The following MYO1E variants were observed in gnomAD, a reference collection of about 807,000 sequenced individuals.
MYO1E encodes the protein unconventional myosin-Ie.
Under a neutral mutation model 151.1 loss-of-function variants are expected in MYO1E, and 68 were observed. The observed-to-expected ratio is 0.45, with a 90% CI of 0.37 to 0.55. MYO1E has a LOEUF of 0.55. MYO1E is among the 20% of genes least tolerant of loss of function. The pLI is 0.00. For synonymous variants in MYO1E, 601 were observed against 501.7 expected, an observed-to-expected ratio of 1.20 and a Z score of -2.64; for missense variants, 1,363 against 1,389.3, an observed-to-expected ratio of 0.98 and a Z score of 0.30.
chr15:59,138,727 C>T (rs1018103557), intron 26 of MYO1E, among the ~76,000 whole-genome samples: 14 of 152,106 alleles, frequency 9.2e-5, no homozygotes, highest in African/African-American at 3.4e-4. Context: ...CGAAATGGAA[C>T]TTTTGCAGGT....
chr15:59,136,483 G>GT lies in MYO1E; in HGVS notation c.*896dup. On this transcript the variant is annotated 3_prime_UTR_variant, in exon 28 of 28. Coordinates refer to ENST00000288235, the MANE Select transcript of MYO1E (RefSeq NM_004998.4). ...ACCTAGAAAGCAGTGACACTCCGTA[G>GT]TTGGAAAAAAGCAGAGCACATCTTT... 1 of 296,904 alleles carries GT rather than the reference G, an allele frequency of 3.4e-6. No homozygotes were observed. 18.4% of individuals were successfully genotyped at this position (296,904 alleles called of 1,614,324 possible).
At chr15:59,156,132 G>A (rs1333731542) in intron 25 of MYO1E, among the ~76,000 whole-genome samples, 1 of 152,146 alleles carries the variant, frequency 6.6e-6, no homozygotes, top group Non-Finnish European at 1.5e-5. Context: ...GAGTAGCTGG[G>A]ATTCCAGGCA....
chr15:59,225,497 C>T (rs527785722), intron 7 of MYO1E, among the ~76,000 whole-genome samples: 81 of 152,280 alleles, frequency 5.3e-4, no homozygotes, highest in African/African-American at 1.9e-3. Context: ...GGCTTTCCTC[C>T]TTATCCTTCA....
chr15:59,259,652 C>G (rs2080214122), intron 3 of MYO1E, among the ~76,000 whole-genome samples: 1 of 152,180 alleles, frequency 6.6e-6, no homozygotes, highest in South Asian at 2.1e-4. Context: ...GAAAAGCAAG[C>G]TATGGGCAGT....
chr15:59,199,830 A>G (rs1434318942), intron 16 of MYO1E, among the ~76,000 whole-genome samples: 2 of 152,198 alleles, frequency 1.3e-5, no homozygotes, highest in Admixed American at 1.3e-4. Context: ...TCTGCAAATT[A>G]CTGTAGATAT....
chr15:59,261,203 T>C (rs912978618), intron 3 of MYO1E, among the ~76,000 whole-genome samples: 2 of 148,052 alleles, frequency 1.4e-5, no homozygotes, highest in East Asian at 3.9e-4. Context: ...AAATTCTGTC[T>C]CAAAAAAAAT....
At chr15:59,212,551 C>G (rs2140341493) in intron 12 of MYO1E, 1 of 152,252 alleles carries the variant, frequency 6.6e-6, no homozygotes, top group South Asian at 2.1e-4. Flanking sequence ...ATGTAATTCA[C>G]TAAGGATCTC....
chr15:59,184,109 C>T (rs1249018214), intron 18 of MYO1E, among the ~76,000 whole-genome samples: 1 of 152,152 alleles, frequency 6.6e-6, no homozygotes, highest in Non-Finnish European at 1.5e-5. Context: ...TGGGTTCCAG[C>T]AATCCTTTCA....
intron 1 of MYO1E, among the ~76,000 whole-genome samples, chr15:59,289,970 C>G (rs2080409264): frequency 6.6e-6 from 1 of 152,172 alleles, no homozygotes; most frequent in Admixed American, 6.5e-5. Context: ...GAAGTGTGCC[C>G]CACAATGTTT....
Position 59,277,548 on chromosome 15 carries a change from CAAAAAAAAA to C in MYO1E, c.4-5108_4-5100del, listed in dbSNP as rs1166969756. Among the ~76,000 whole-genome samples the C allele has an allele frequency of 8.3e-3, 358 of 42,952 alleles. 6 individuals are homozygous for C. The highest frequency in any genetic ancestry group is 0.024 in the African/African-American group (307 of 12,538). The allele number at this position is 42,952 out of a possible 152,430, so 28.2% of individuals were successfully genotyped here. On this transcript the variant is annotated intron_variant, in intron 1 of 27. Transcript: ENST00000288235. ...AACAGAGCAAGACTCCATCCCCCCA[CAAAAAAAAA>C]AAAAAAAAAAAAAAAACATCAAAGC...
intron 16 of MYO1E, among the ~76,000 whole-genome samples, chr15:59,199,546 G>A (rs1258760048): frequency 6.6e-6 from 1 of 152,004 alleles, no homozygotes; most frequent in Non-Finnish European, 1.5e-5. Flanking sequence ...TTCCAGACAC[G>A]ACAATATCGA....
At chr15:59,324,965 A>AG (rs397939557) in intron 1 of MYO1E, among the ~76,000 whole-genome samples, 1 of 144,840 alleles carries the variant, frequency 6.9e-6, no homozygotes, top group Non-Finnish European at 1.5e-5. Context: ...AAAAAAAAAA[A>AG]GCCTTTTGAC....
intron 4 of MYO1E, among the ~76,000 whole-genome samples, chr15:59,240,818 A>C (rs2080095291): frequency 6.6e-6 from 1 of 152,238 alleles, no homozygotes; most frequent in African/African-American, 2.4e-5. Context: ...AAGGACAAAC[A>C]CTTAAAACAA....
Position 59,153,779 on chromosome 15 carries a change from T to C in MYO1E, c.2891A>G (p.Asn964Ser). ...CACATACTGGTTTCTGATGACTCCG[T>C]TCTGATGGTATCCTAGAGAGAGGAA... ...AAPPPPGYHQ[N>S]GVIRNQYVPY... The change falls in exon 26 of 28, where the codon AAC (asparagine) becomes AGC (serine). Residue 964 changes from asparagine to serine, a missense_variant. Asn to Ser is a conservative substitution (Grantham distance 46, BLOSUM62 1). Transcript: ENST00000288235. 6.2e-7 allele frequency: 1 copy of C among 1,613,492 alleles called. No homozygotes were observed. The highest frequency in any genetic ancestry group is 8.5e-7 in the Non-Finnish European group (1 of 1,179,396).
At chr15:59,197,369 C>G (rs1318825621) in intron 16 of MYO1E, among the ~76,000 whole-genome samples, 6 of 152,100 alleles carry the variant, frequency 3.9e-5, no homozygotes, top group Non-Finnish European at 8.8e-5. Context: ...TCTTTTTCAC[C>G]TCAGCATAAG....
In MYO1E at chr15:59,330,942, T is replaced by A. The variant is rs563404972; in HGVS notation, c.3+41556A>T. On this transcript the variant is annotated intron_variant, in intron 1 of 27. Coordinates refer to ENST00000288235, the MANE Select transcript of MYO1E (RefSeq NM_004998.4). ...GCACCATCACGCCCAGCTAACTTTT[T>A]AAAAATCTGCGGAGATGGAGTCTCC... 1.5e-4 allele frequency among the ~76,000 whole-genome samples: 23 copies of A among 152,204 alleles called. No individual in the cohort carries two copies. In the South Asian group the frequency reaches 4.4e-3, roughly 29 times the overall value.
intron 1 of MYO1E, 116 bp from the exon 2 acceptor site, chr15:59,272,565 T>G: frequency 8.7e-7 from 1 of 1,148,232 alleles, no homozygotes; most frequent in Non-Finnish European, 1.3e-6. Context: ...GAAAGAGCAG[T>G]GCAGAGAAAG....
chr15:59,236,699 C>T (rs777853550), intron 4 of MYO1E, 27 bp from the exon 5 acceptor site: 49 of 1,576,918 alleles, frequency 3.1e-5, no homozygotes, highest in Non-Finnish European at 4.2e-5. Flanking sequence ...AAAGAATCCA[C>T]CTGAGAAGTG....
At chr15:59,257,017 T>C (rs1185575682) in intron 3 of MYO1E, among the ~76,000 whole-genome samples, 1 of 152,186 alleles carries the variant, frequency 6.6e-6, no homozygotes, top group Non-Finnish European at 1.5e-5. Flanking sequence ...GCTAAGATAT[T>C]CTCCTGGGTT....
Sources: gnomAD v4.1 joint callset for allele counts (sites outside exome capture counted in the v4.1 genomes callset) on GRCh38, gnomAD v4.1.1 for gene constraint, MANE v1.5 for transcripts, NCBI Gene and HGNC (gene_info 2026-07-23, HGNC 2026-07-21) for gene names.